Variants in RSPH14 observed in about 807,000 individuals in gnomAD.
RSPH14 encodes rhabdoid tumor deletion region gene 1.
A neutral mutation model predicts 26.7 loss-of-function variants in RSPH14; 20 were observed. The ratio of observed to expected loss-of-function variants is 0.75; its 90% CI spans 0.53 to 1.09. The LOEUF is 1.09. Ranked by LOEUF, RSPH14 falls within the 50% of genes least tolerant of loss-of-function variation. RSPH14 has a pLI of 0.00. For missense variants in RSPH14, 449 were observed against 457.2 expected, an observed-to-expected ratio of 0.98 and a Z score of 0.16; for synonymous variants, 177 against 189.3, an observed-to-expected ratio of 0.93 and a Z score of 0.53.
At chr22:23,076,905 G>A (rs1465772692) in intron 4 of RSPH14, among the ~76,000 whole-genome samples, 1 of 152,208 alleles carries the variant, frequency 6.6e-6, no homozygotes. Context: ...TGCCTGTGAT[G>A]GTGACCCTGC....
chr22:23,077,024 A>G (rs1294028254), intron 4 of RSPH14, among the ~76,000 whole-genome samples: 1 of 152,186 alleles, frequency 6.6e-6, no homozygotes, highest in African/African-American at 2.4e-5. Context: ...GTGACCGTCC[A>G]AAGCATGCTG....
chr22:23,153,444 A>T, the RSPH14 span: 1 of 428,032 alleles, frequency 2.3e-6, no homozygotes, highest in Non-Finnish European at 3.1e-6. Context: ...TCCCTGACCT[A>T]GGCCTCCTGT....
At chr22:23,178,345 G>A in the RSPH14 span, among the ~76,000 whole-genome samples, 1 of 151,930 alleles carries the variant, frequency 6.6e-6, no homozygotes, top group East Asian at 1.9e-4. Context: ...GAACCCAGGA[G>A]GCAGAGGTTG....
chr22:23,135,370 T>C (rs2070453978), intron 3 of RSPH14, among the ~76,000 whole-genome samples: 1 of 148,934 alleles, frequency 6.7e-6, no homozygotes, highest in East Asian at 2.0e-4. Context: ...CGGGCGCCTG[T>C]AGTCCCAGCT....
the RSPH14 span, chr22:23,161,516 G>A: frequency 1.1e-5 from 18 of 1,612,524 alleles, no homozygotes; most frequent in Middle Eastern, 1.6e-4. Context: ...AAGGGAGTCC[G>A]CCCGAGACCC....
chr22:23,081,582 G>A (rs183237957), intron 4 of RSPH14, among the ~76,000 whole-genome samples: 11 of 152,240 alleles, frequency 7.2e-5, no homozygotes, highest in Admixed American at 2.6e-4. Flanking sequence ...AGCACTTTGG[G>A]AAGGAGACGC....
chr22:23,076,430 C>T (rs762087592), intron 4 of RSPH14, among the ~76,000 whole-genome samples: 5 of 152,156 alleles, frequency 3.3e-5, no homozygotes, highest in East Asian at 1.9e-4. Context: ...TGTGCTCGTG[C>T]GCTGCAGAAC....
chr22:23,109,646 G>A (rs2069587298), intron 4 of RSPH14, among the ~76,000 whole-genome samples: 1 of 152,160 alleles, frequency 6.6e-6, no homozygotes, highest in African/African-American at 2.4e-5. Flanking sequence ...AGCTGGAACA[G>A]AGCCCTCCGT....
In RSPH14 at chr22:23,116,766, G is replaced by A. The variant is rs138869043; in HGVS notation, c.421+17260C>T. ...CTTGGATGTCATTAGCTGGAAAGCC[G>A]TGAGTGCCTGATGGGGAAGGAGTGG... On this transcript the variant is annotated intron_variant, in intron 4 of 6. Coordinates refer to ENST00000216036, the MANE Select transcript of RSPH14 (RefSeq NM_014433.3). 3.1e-3 allele frequency among the ~76,000 whole-genome samples: 477 copies of A among 152,338 alleles called. 4 individuals are homozygous for A. The highest frequency in any genetic ancestry group is 4.0e-3 in the Admixed American group (61 of 15,296).
At chr22:23,142,987 T>C (rs564260952), upstream of RSPH14, among the ~76,000 whole-genome samples, 15 of 152,358 alleles carry the variant, frequency 9.8e-5, no homozygotes, top group African/African-American at 3.6e-4. Context: ...TACCTCTTTA[T>C]CCTTCAGGAT....
At chr22:23,112,256 C>T (rs1306806190) in intron 4 of RSPH14, among the ~76,000 whole-genome samples, 2 of 152,240 alleles carry the variant, frequency 1.3e-5, no homozygotes, top group Non-Finnish European at 2.9e-5. Flanking sequence ...GCCACAGCCC[C>T]AGGCCCTGCC....
chr22:23,066,445 G>T (rs114048602), intron 4 of RSPH14, among the ~76,000 whole-genome samples: 2 of 152,298 alleles, frequency 1.3e-5, no homozygotes, highest in African/African-American at 4.8e-5. Flanking sequence ...AAGCCAGGCG[G>T]GACCCTCAGC....
At chr22:23,128,378 T>C (rs1002479653) in intron 4 of RSPH14, among the ~76,000 whole-genome samples, 2 of 152,176 alleles carry the variant, frequency 1.3e-5, no homozygotes, top group Non-Finnish European at 2.9e-5. Flanking sequence ...AAGCAGACCC[T>C]GTGCATCACT....
the RSPH14 span, among the ~76,000 whole-genome samples, chr22:23,165,287 A>AACTT: frequency 6.6e-6 from 1 of 152,178 alleles, no homozygotes; most frequent in Non-Finnish European, 1.5e-5. Flanking sequence ...CACCACACGA[A>AACTT]ACTTACACCT....
At chr22:23,119,585 C>T (rs1416079933) in intron 4 of RSPH14, among the ~76,000 whole-genome samples, 1 of 152,242 alleles carries the variant, frequency 6.6e-6, no homozygotes, top group Non-Finnish European at 1.5e-5. Context: ...TATAGCCTTC[C>T]TGTTCTATAA....
chr22:23,140,344 C>G lies in RSPH14; in HGVS notation c.77G>C (p.Arg26Pro). ...CTCCTCCTTCAGCTTGGGCAGGGCC[C>G]GATGGCCATAGGCAGTGGTAATCTG... Reference protein sequence around the residue: ...ATQITTAYGHRALPKLKEELQ... With the variant: ...ATQITTAYGHPALPKLKEELQ... The change falls in exon 2 of 7, where the codon CGG becomes CCG. Residue 26 changes from arginine (R) to proline (P), a missense_variant. Physicochemically the swap from Arg to Pro is moderately radical, Grantham distance 103 (BLOSUM62 -2). Coordinates refer to ENST00000216036, the MANE Select transcript of RSPH14 (RefSeq NM_014433.3). 1 of 1,614,112 alleles carries G rather than the reference C, an allele frequency of 6.2e-7. No homozygotes were observed. The highest frequency in any genetic ancestry group is 8.5e-7 in the Non-Finnish European group (1 of 1,180,022).
At chr22:23,180,275 G>T in the RSPH14 span, 2 of 191,048 alleles carry the variant, frequency 1.0e-5, no homozygotes, top group East Asian at 1.0e-4. Flanking sequence ...AGGGAGTCCG[G>T]TGTCTTTTTT....
At chr22:23,158,021 G>C in the RSPH14 span, 1 of 1,614,162 alleles carries the variant, frequency 6.2e-7, no homozygotes. Flanking sequence ...CCTCACTGAC[G>C]TGCAGACCCT....
chr22:23,098,851 G>T (rs545001979), intron 4 of RSPH14, among the ~76,000 whole-genome samples: 1 of 152,270 alleles, frequency 6.6e-6, no homozygotes, highest in African/African-American at 2.4e-5. Context: ...AGGACAGCCC[G>T]TCTCCAGCCG....
Sources: allele counts gnomAD v4.1 joint callset (sites outside exome capture counted in the v4.1 genomes callset), GRCh38; gene constraint gnomAD v4.1.1; transcripts MANE v1.5; gene names NCBI Gene and HGNC (gene_info 2026-07-23, HGNC 2026-07-21).